The following ZNF107 variants were observed in gnomAD, a reference collection of about 807,000 sequenced individuals.
ZNF107 encodes C2H2 type zinc-finger protein.
ZNF107 carries 19 observed loss-of-function variants against 12.3 expected under a neutral mutation model. The observed-to-expected ratio is 1.55, with a 90% CI of 1.08 to 2.27. ZNF107 has a LOEUF of 2.27. ZNF107 is among the 30% of genes most tolerant of loss of function. ZNF107 has a pLI of 0.00. For synonymous variants in ZNF107, 317 were observed against 330.5 expected, an observed-to-expected ratio of 0.96 and a Z score of 0.44; for missense variants, 958 against 979.9, an observed-to-expected ratio of 0.98 and a Z score of 0.30.
intron 3 of ZNF107, among the ~76,000 whole-genome samples, chr7:64,704,969 G>A (rs960217634): frequency 2.6e-5 from 4 of 152,152 alleles, no homozygotes; most frequent in African/African-American, 7.2e-5. Context: ...GTGAGCCATC[G>A]CACCCAGCCA....
chr7:64,683,982 A>G (rs1254508599), intron 1 of ZNF107, among the ~76,000 whole-genome samples: 2 of 152,172 alleles, frequency 1.3e-5, no homozygotes, highest in Non-Finnish European at 2.9e-5. Context: ...ACTTCCATCC[A>G]ATCTGACAGT....
In ZNF107 at chr7:64,708,232, A is replaced by C; in HGVS notation, c.2135A>C (p.Lys712Thr). 1.2e-6 allele frequency: 2 copies of C among 1,613,544 alleles called. No individual in the cohort carries two copies. Among genetic ancestry groups the C allele is most frequent in the Non-Finnish European group, 1.7e-6 (2 of 1,179,752 alleles). Residue 712 changes from lysine to threonine, a missense_variant, in exon 4 of 4, where the codon AAA becomes ACA. Lys to Thr is a moderately conservative substitution (Grantham distance 78). Coordinates refer to ENST00000620827, the MANE Select transcript of ZNF107 (RefSeq NM_001282359.2). Reference sequence around the variant, plus strand: ...CCTTACCAATGTGCAGAATGTGGCAAAGCCTTTAACTGCTCCTCAACCCTT... The same window carrying C: ...CCTTACCAATGTGCAGAATGTGGCACAGCCTTTAACTGCTCCTCAACCCTT... ...EKPYQCAECG[K>T]AFNCSSTLNR...
chr7:64,691,797 C>T, intron 2 of ZNF107, 68 bp from the exon 3 acceptor site: 2 of 876,866 alleles, frequency 2.3e-6, no homozygotes, highest in Non-Finnish European at 3.0e-6. Flanking sequence ...TTACTGAGCA[C>T]CTTACTGGAT....
At chr7:64,671,907 G>A (rs373503485) in intron 1 of ZNF107, among the ~76,000 whole-genome samples, 17 of 150,144 alleles carry the variant, frequency 1.1e-4, no homozygotes, top group Admixed American at 3.4e-4. Context: ...TCAGCCTCCC[G>A]AGTAGCTGGG....
chr7:64,695,787 A>G (rs1300183436), intron 3 of ZNF107, among the ~76,000 whole-genome samples: 1 of 152,188 alleles, frequency 6.6e-6, no homozygotes, highest in East Asian at 1.9e-4. Flanking sequence ...CGATGAATTT[A>G]TATTTCCTTT....
At chr7:64,687,835 T>G (rs1789975492) in intron 1 of ZNF107, among the ~76,000 whole-genome samples, 1 of 152,240 alleles carries the variant, frequency 6.6e-6, no homozygotes, top group Non-Finnish European at 1.5e-5. Context: ...GTTCTATCAT[T>G]GTGGAGTTAC....
Position 64,709,519 on chromosome 7 carries a change from G to A in ZNF107, c.*863G>A, listed in dbSNP as rs1472179001. The A allele has an allele frequency of 8.4e-6, 3 of 356,428 alleles. No homozygotes were observed. Among genetic ancestry groups the A allele is most frequent in the Non-Finnish European group, 1.6e-5 (3 of 185,816 alleles). The allele number at this position is 356,428 out of a possible 1,614,324, so 22.1% of individuals were successfully genotyped here. A position where few individuals can be genotyped will look rare whatever the true frequency, so the allele number is the denominator to read the frequency against. On this transcript the variant is annotated 3_prime_UTR_variant, in exon 4 of 4. Coordinates refer to ENST00000620827, the MANE Select transcript of ZNF107 (RefSeq NM_001282359.2). Reference sequence around the variant, plus strand: ...GAACTTTCTAACATAAATCATACTGGTGAAAAATCCTAGAAATGTGAAAAA... The same window carrying A: ...GAACTTTCTAACATAAATCATACTGATGAAAAATCCTAGAAATGTGAAAAA...
At position 64,706,407 on chromosome 7, in the gene ZNF107, G is replaced by T. The variant is rs539851686; in HGVS notation, c.310G>T (p.Gly104Ter). ...SFQKVTLRRY[G>*]KCEYENLQLR... ...CCAGAAAGTGACACTGAGAAGATAC[G>T]GAAAATGTGAATATGAGAATTTACA... Residue 104 changes from glycine (G) to a stop codon, truncating the protein, a stop_gained, in exon 4 of 4, where the codon GGA becomes TGA. Coordinates refer to ENST00000620827, the MANE Select transcript of ZNF107 (RefSeq NM_001282359.2). LOFTEE classifies it low-confidence loss of function (END_TRUNC). 5 of 1,613,044 alleles carry T rather than the reference G, an allele frequency of 3.1e-6. No individual in the cohort carries two copies. In the African/African-American group the frequency reaches 6.7e-5, roughly 22 times the overall value.
chr7:64,686,973 A>G (rs541853685), intron 1 of ZNF107: 17 of 985,452 alleles, frequency 1.7e-5, no homozygotes, highest in Middle Eastern at 5.2e-4. Context: ...GTTATTCATA[A>G]TGCTCATGTT....
chr7:64,690,589 C>T (rs1295562181), intron 1 of ZNF107: 1 of 938,124 alleles, frequency 1.1e-6, no homozygotes, highest in Admixed American at 6.2e-5. Flanking sequence ...CAGAGACATT[C>T]CATTTAGCAA....
intron 3 of ZNF107, among the ~76,000 whole-genome samples, chr7:64,704,268 A>T (rs946225138): frequency 2.0e-5 from 3 of 152,034 alleles, no homozygotes; most frequent in African/African-American, 7.2e-5. Context: ...TTTTTTTTAG[A>T]TGGAGTCTCA....
chr7:64,693,314 GTTTT>G (rs376161398), intron 3 of ZNF107, among the ~76,000 whole-genome samples: 1 of 134,968 alleles, frequency 7.4e-6, no homozygotes, highest in African/African-American at 2.7e-5. Flanking sequence ...CGCCTGGCCA[GTTTT>G]TTTTTTTTTT....
In ZNF107 at chr7:64,708,694, A is replaced by G; in HGVS notation, c.*38A>G. The G allele has an allele frequency of 6.5e-7, 1 of 1,545,416 alleles. No individual in the cohort carries two copies. On this transcript the variant is annotated 3_prime_UTR_variant, in exon 4 of 4. Transcript: ENST00000620827. ...GCTTACTACACATAGGAAAATTCAT[A>G]CTGGAGAGAAACTACAAATGTGAAG...
intron 3 of ZNF107, 83 bp downstream of exon 3, chr7:64,692,043 A>T (rs1403607920): frequency 1.0e-6 from 1 of 968,498 alleles, no homozygotes; most frequent in Non-Finnish European, 1.4e-6. Flanking sequence ...TTAAAATATG[A>T]TTTGGGAAGC....
chr7:64,710,754 A>T lies in ZNF107; in HGVS notation c.*2098A>T, dbSNP rs528932276. On this transcript the variant is annotated 3_prime_UTR_variant, in exon 4 of 4. Coordinates refer to ENST00000620827, the MANE Select transcript of ZNF107 (RefSeq NM_001282359.2). ...TTTTCATGCATCAAAGATATGAGAA[A>T]TCATTTCTGTTAGGTCGGTATTATT... 6.6e-6 allele frequency: 1 copy of T among 152,164 alleles called. No individual in the cohort carries two copies. Among genetic ancestry groups the T allele is most frequent in the Non-Finnish European group, 1.5e-5 (1 of 68,010 alleles). 9.4% of individuals were successfully genotyped at this position (152,164 alleles called of 1,614,324 possible).
In ZNF107 at chr7:64,707,549, A is replaced by G; in HGVS notation, c.1452A>G (p.Glu484=). The G allele has an allele frequency of 3.1e-6, 5 of 1,613,310 alleles. No homozygotes were observed. The highest frequency in any genetic ancestry group is 1.7e-4 in the Middle Eastern group (1 of 6,054). ...CTGGAGAGAAACCATACAAATGTGA[A>G]GAATGTGGAAAAGCTTTTAATCGAT... ...IYSGEKPYKC[E]ECGKAFNRSS... Residue 484 remains glutamate (E), a synonymous_variant, in exon 4 of 4, where the codon GAA becomes GAG. Transcript: ENST00000620827.
In ZNF107 at chr7:64,706,761, A is replaced by G; in HGVS notation, c.664A>G (p.Ile222Val). The change falls in exon 4 of 4, where the codon ATT (isoleucine) becomes GTT (valine). Residue 222 changes from isoleucine (I) to valine (V), a missense_variant. Physicochemically the swap from Ile to Val is conservative, Grantham distance 29 (BLOSUM62 3). Transcript: ENST00000620827. ...WFSTLTKHKR[I>V]HTGEKPYKCE... ...CTCAACTCTTACTAAACATAAGAGA[A>G]TTCATACTGGAGAAAAGCCCTACAA... is the stretch of plus-strand genomic sequence containing the variant. 6.2e-7 allele frequency: 1 copy of G among 1,613,322 alleles called. No homozygotes were observed. The highest frequency in any genetic ancestry group is 1.3e-5 in the African/African-American group (1 of 75,026).
chr7:64,667,501 G>A (rs886322531), intron 1 of ZNF107, among the ~76,000 whole-genome samples: 3 of 152,176 alleles, frequency 2.0e-5, no homozygotes, highest in Admixed American at 6.5e-5. Flanking sequence ...TTGGGTCAAG[G>A]TTTCCCTTTG....
At chr7:64,675,051 T>C (rs1163985625) in intron 1 of ZNF107, among the ~76,000 whole-genome samples, 1 of 152,204 alleles carries the variant, frequency 6.6e-6, no homozygotes, top group Non-Finnish European at 1.5e-5. Context: ...ATCAAAGATA[T>C]TGACCTGAAG....
Sources: gnomAD v4.1 joint callset for allele counts (sites outside exome capture counted in the v4.1 genomes callset) on GRCh38, gnomAD v4.1.1 for gene constraint, MANE v1.5 for transcripts, NCBI Gene and HGNC (gene_info 2026-07-23, HGNC 2026-07-21) for gene names.